RAB31: variants seen among roughly 807,000 people sequenced by gnomAD.
RAB31 encodes ras-related protein Rab-31.
Under a neutral mutation model 25.6 loss-of-function variants are expected in RAB31, and 21 were observed. That is an observed-to-expected ratio of 0.82 (90% CI 0.58 to 1.18). The LOEUF (loss-of-function observed/expected upper bound fraction) is 1.18, where lower values mean the gene tolerates loss of function less well. Ranked by LOEUF, RAB31 falls within the 50% of genes most tolerant of loss-of-function variation. The pLI is 0.00. For synonymous variants in RAB31, 87 were observed against 84.0 expected, an observed-to-expected ratio of 1.04 and a Z score of -0.20; for missense variants, 196 against 250.1, an observed-to-expected ratio of 0.78 and a Z score of 1.46.
chr18:9,810,179 A>C (rs2068563568), intron 3 of RAB31, among the ~76,000 whole-genome samples: 1 of 152,238 alleles, frequency 6.6e-6, no homozygotes. Flanking sequence ...CTGGGTAGTC[A>C]GGGAAGAAGG....
chr18:9,787,906 G>A (rs941074548), intron 2 of RAB31: 8 of 152,164 alleles, frequency 5.3e-5, no homozygotes, highest in Non-Finnish European at 1.0e-4. Flanking sequence ...GACCATCAGA[G>A]GAGTCAGATG....
At chr18:9,711,378 T>C (rs979082622) in intron 1 of RAB31, among the ~76,000 whole-genome samples, 1 of 151,994 alleles carries the variant, frequency 6.6e-6, no homozygotes, top group South Asian at 2.1e-4. Flanking sequence ...TTAAAAAATA[T>C]ATGTATATTT....
At chr18:9,714,106 TAGTG>T (rs1248832471) in intron 1 of RAB31, among the ~76,000 whole-genome samples, 2 of 152,236 alleles carry the variant, frequency 1.3e-5, no homozygotes, top group East Asian at 3.8e-4. Context: ...GACACTGTTT[TAGTG>T]AGTGTGATAT....
rs542464603 is a variant in RAB31, at chr18:9,710,569, G to A, written c.39+2125G>A. 2.0e-5 allele frequency among the ~76,000 whole-genome samples: 3 copies of A among 152,220 alleles called. No individual in the cohort carries two copies. The East Asian group carries it at 5.8e-4, about 29-fold the overall frequency. ...AGACGGAGGCTTTGAAACATCAATCGTGGCCGGTCGCGTTGGCTCACACCT... is the reference window on the plus strand; with the variant it reads ...AGACGGAGGCTTTGAAACATCAATCATGGCCGGTCGCGTTGGCTCACACCT... On this transcript the variant is annotated intron_variant, in intron 1 of 6. Transcript: ENST00000578921.
intron 3 of RAB31, among the ~76,000 whole-genome samples, chr18:9,803,389 C>G (rs1445604987): frequency 1.3e-5 from 2 of 152,138 alleles, no homozygotes; most frequent in Admixed American, 1.3e-4. Context: ...GCACCAGCCA[C>G]TATGCCTGGC....
intron 3 of RAB31, among the ~76,000 whole-genome samples, chr18:9,793,458 T>A (rs998505526): frequency 6.6e-5 from 10 of 152,022 alleles, no homozygotes; most frequent in African/African-American, 1.9e-4. Context: ...GTCAGGAAAT[T>A]GAGACCATCC....
rs952766570 is a variant in RAB31, at chr18:9,861,034, A to G, written c.*1709A>G. Reference sequence around the variant, plus strand: ...CAGGGATTTTTAGGGTTTTTTCCACATTGTCCACATTAATGGTTGGCATGA... The same window carrying G: ...CAGGGATTTTTAGGGTTTTTTCCACGTTGTCCACATTAATGGTTGGCATGA... On this transcript the variant is annotated 3_prime_UTR_variant, in exon 7 of 7. Coordinates refer to ENST00000578921, the MANE Select transcript of RAB31 (RefSeq NM_006868.4). 3 of 151,158 alleles carry G rather than the reference A, an allele frequency of 2.0e-5. No homozygotes were observed. Among genetic ancestry groups the G allele is most frequent in the Non-Finnish European group, 4.4e-5 (3 of 67,914 alleles). The allele number at this position is 151,158 out of a possible 1,614,324, so 9.4% of individuals were successfully genotyped here. A position where few individuals can be genotyped will look rare whatever the true frequency, so the allele number is the denominator to read the frequency against.
intron 1 of RAB31, among the ~76,000 whole-genome samples, chr18:9,720,246 G>A (rs764384506): frequency 6.6e-6 from 1 of 152,224 alleles, no homozygotes; most frequent in South Asian, 2.1e-4. Context: ...TTACAGGCGT[G>A]AGCCACCACA....
intron 3 of RAB31, among the ~76,000 whole-genome samples, chr18:9,793,682 C>T (rs188160404): frequency 4.8e-4 from 72 of 150,922 alleles, no homozygotes; most frequent in Non-Finnish European, 8.1e-4. Flanking sequence ...AAAGTTGAAA[C>T]GGATAGCCAG....
intron 1 of RAB31, among the ~76,000 whole-genome samples, chr18:9,739,464 T>G (rs1271848499): frequency 6.6e-6 from 1 of 151,814 alleles, no homozygotes; most frequent in Non-Finnish European, 1.5e-5. Context: ...AGAGGGAGAC[T>G]CTGTCTCAAA....
chr18:9,727,000 T>A (rs951753807), intron 1 of RAB31, among the ~76,000 whole-genome samples: 2 of 152,222 alleles, frequency 1.3e-5, no homozygotes, highest in African/African-American at 4.8e-5. Context: ...AGCAGATGCT[T>A]ACTGTAGGAT....
intron 1 of RAB31, among the ~76,000 whole-genome samples, chr18:9,764,805 G>A (rs761583787): frequency 1.3e-5 from 2 of 151,964 alleles, no homozygotes; most frequent in African/African-American, 4.8e-5. Flanking sequence ...TAATGTCCAC[G>A]GGGCATTAAT....
At chr18:9,767,424 G>A (rs2068321722) in intron 1 of RAB31, among the ~76,000 whole-genome samples, 1 of 152,212 alleles carries the variant, frequency 6.6e-6, no homozygotes, top group African/African-American at 2.4e-5. Flanking sequence ...CTCACCACCT[G>A]AAGATTTCTG....
intron 6 of RAB31, among the ~76,000 whole-genome samples, chr18:9,848,529 C>A (rs1364628390): frequency 6.6e-6 from 1 of 152,220 alleles, no homozygotes; most frequent in Non-Finnish European, 1.5e-5. Context: ...AGCCTAATTG[C>A]AGGTTAATTT....
chr18:9,838,174 T>G (rs529904495), intron 5 of RAB31, among the ~76,000 whole-genome samples: 2 of 152,300 alleles, frequency 1.3e-5, no homozygotes, highest in East Asian at 3.9e-4. Flanking sequence ...CCCAGCCTGG[T>G]GGAATGCATG....
chr18:9,792,417 T>C (rs7233858), intron 3 of RAB31, among the ~76,000 whole-genome samples, 182 bp downstream of exon 3: 11,451 of 152,116 alleles, frequency 0.075, 1,434 homozygotes, highest in African/African-American at 0.26. Flanking sequence ...GTACCTAGGG[T>C]GAGGCGGGGC....
chr18:9,726,572 C>G (rs1156457299), intron 1 of RAB31, among the ~76,000 whole-genome samples: 1 of 152,136 alleles, frequency 6.6e-6, no homozygotes. Flanking sequence ...ATCCTCGTAA[C>G]TTTAAGGCTT....
At chr18:9,744,585 C>T (rs527299385) in intron 1 of RAB31, among the ~76,000 whole-genome samples, 117 of 152,180 alleles carry the variant, frequency 7.7e-4, no homozygotes, top group African/African-American at 2.7e-3. Flanking sequence ...ACAAAGGCAC[C>T]GTGCTTCCTG....
At chr18:9,712,639 G>A (rs1434219702) in intron 1 of RAB31, among the ~76,000 whole-genome samples, 1 of 152,212 alleles carries the variant, frequency 6.6e-6, no homozygotes, top group African/African-American at 2.4e-5. Context: ...TCACCATGTG[G>A]CAAGAAGCAG....
Sources: gnomAD v4.1 joint callset for allele counts (sites outside exome capture counted in the v4.1 genomes callset) on GRCh38, gnomAD v4.1.1 for gene constraint, MANE v1.5 for transcripts, NCBI Gene and HGNC (gene_info 2026-07-23, HGNC 2026-07-21) for gene names.